NCKAP5: variants seen among roughly 807,000 people sequenced by gnomAD.
NCKAP5 encodes the protein nck-associated protein 5.
NCKAP5 carries 92 observed loss-of-function variants against 167.0 expected under a neutral mutation model. The observed-to-expected ratio is 0.55, with a 90% CI of 0.47 to 0.66. NCKAP5 has a LOEUF of 0.66. Ranked by LOEUF, NCKAP5 falls within the 30% of genes least tolerant of loss-of-function variation. NCKAP5 has a pLI of 0.00. For missense variants in NCKAP5, 2,378 were observed against 2,315.0 expected (o/e 1.03, Z -0.56); for synonymous variants, 891 against 877.4 (o/e 1.02, Z -0.27).
chr2:133,526,194 AGG>A lies in NCKAP5; in HGVS notation c.-61-8609_-61-8608del, dbSNP rs1454527326. On this transcript the variant is annotated intron_variant, in intron 2 of 19. Coordinates refer to ENST00000409261, the MANE Select transcript of NCKAP5 (RefSeq NM_207363.3). ...AAGGAAGGAAGGAAGGAAGGAAGGA[AGG>A]AAGGAAGGAAGGAAGGAAGGAAGGA... 9.3e-4 allele frequency among the ~76,000 whole-genome samples: 123 copies of A among 131,944 alleles called. 1 individual carries two copies. Among genetic ancestry groups the A allele is most frequent in the African/African-American group, 3.6e-3 (115 of 31,874 alleles). 86.6% of individuals were successfully genotyped at this position (131,944 alleles called of 152,430 possible).
At position 133,470,719 on chromosome 2, in the gene NCKAP5, C is replaced by T. The variant is rs540513491; in HGVS notation, c.69+46739G>A. ...TGCAGGATATAATCTCGTGGTGCGC[C>T]GTTTTTTAAGCCTGTCGGAAAAGTA... On this transcript the variant is annotated intron_variant, in intron 3 of 19. Coordinates refer to ENST00000409261, the MANE Select transcript of NCKAP5 (RefSeq NM_207363.3). 9.7e-4 allele frequency among the ~76,000 whole-genome samples: 148 copies of T among 152,320 alleles called. 2 individuals are homozygous for T. Among genetic ancestry groups the T allele is most frequent in the African/African-American group, 3.0e-3 (125 of 41,570 alleles).
Position 133,360,132 on chromosome 2 carries a change from C to T in NCKAP5, c.70-57022G>A, listed in dbSNP as rs547047041. 2.1e-4 allele frequency among the ~76,000 whole-genome samples: 32 copies of T among 152,218 alleles called. No individual in the cohort carries two copies. The South Asian group carries it at 6.0e-3, about 29-fold the overall frequency. ...GCACATGAATCTCTCCTTTAGCCCCCAGGTCAGCAAAGCTAATTTCAGGAT... is the reference window on the plus strand; with the variant it reads ...GCACATGAATCTCTCCTTTAGCCCCTAGGTCAGCAAAGCTAATTTCAGGAT... On this transcript the variant is annotated intron_variant, in intron 3 of 19. Coordinates refer to ENST00000409261, the MANE Select transcript of NCKAP5 (RefSeq NM_207363.3).
At chr2:132,986,288 T>C (rs1475812289) in intron 7 of NCKAP5, among the ~76,000 whole-genome samples, 1 of 152,158 alleles carries the variant, frequency 6.6e-6, no homozygotes, top group Non-Finnish European at 1.5e-5. Flanking sequence ...CTTTTCAAAA[T>C]GAGGGAAAAG....
rs1187209427 is a variant in NCKAP5, at chr2:133,123,221, TACAAA to T, written c.341+6752_341+6756del. 3.3e-5 allele frequency: 5 copies of T among 152,284 alleles called. 1 individual carries two copies. The highest frequency in any genetic ancestry group is 3.3e-4 in the Admixed American group (5 of 15,302). 9.4% of individuals were successfully genotyped at this position (152,284 alleles called of 1,614,324 possible). ...ATCATTTATTAGGCAGAAAGAGAAA[TACAAA>T]ACAATAAAGTAATGTTCAGCTTTCA... On this transcript the variant is annotated intron_variant, in intron 6 of 19. Coordinates refer to ENST00000409261, the MANE Select transcript of NCKAP5 (RefSeq NM_207363.3).
the NCKAP5 span, among the ~76,000 whole-genome samples, chr2:133,646,164 A>T: frequency 7.9e-5 from 12 of 152,268 alleles, no homozygotes; most frequent in East Asian, 2.3e-3. Context: ...AATACAAAGA[A>T]ATAGAAAAGG....
upstream of NCKAP5, among the ~76,000 whole-genome samples, chr2:133,569,949 T>C (rs1038374901): frequency 1.3e-5 from 2 of 152,204 alleles, no homozygotes; most frequent in Non-Finnish European, 2.9e-5. Flanking sequence ...TTTTCCATAG[T>C]GATCCCACAA....
intron 12 of NCKAP5, among the ~76,000 whole-genome samples, chr2:132,795,103 C>T (rs913915747): frequency 1.3e-5 from 2 of 152,132 alleles, no homozygotes; most frequent in South Asian, 2.1e-4. Flanking sequence ...TATCATTATC[C>T]TCATTTTCTA....
intron 4 of NCKAP5, among the ~76,000 whole-genome samples, chr2:133,239,755 T>C (rs903779226): frequency 1.3e-5 from 2 of 152,194 alleles, no homozygotes; most frequent in African/African-American, 4.8e-5. Context: ...TTGCCAACAT[T>C]TTTTAAAAAT....
At chr2:133,299,802 C>T (rs1680243691) in intron 4 of NCKAP5, among the ~76,000 whole-genome samples, 1 of 151,990 alleles carries the variant, frequency 6.6e-6, no homozygotes. Flanking sequence ...GTGGGTGAGA[C>T]AAATGTACTT....
chr2:132,799,604 T>C (rs1262620330), intron 11 of NCKAP5, among the ~76,000 whole-genome samples: 1 of 152,172 alleles, frequency 6.6e-6, no homozygotes, highest in Admixed American at 6.5e-5. Context: ...AATTTATTGT[T>C]ATACCTGACA....
chr2:132,748,639 T>A (rs1359945320), intron 16 of NCKAP5, among the ~76,000 whole-genome samples: 2 of 152,204 alleles, frequency 1.3e-5, no homozygotes, highest in African/African-American at 4.8e-5. Flanking sequence ...ACTATACCCG[T>A]ACCCTACTCT....
intron 8 of NCKAP5, among the ~76,000 whole-genome samples, chr2:132,944,811 C>T (rs1465882234): frequency 6.6e-6 from 1 of 152,156 alleles, no homozygotes; most frequent in Non-Finnish European, 1.5e-5. Context: ...ACATTGTGAA[C>T]ATGTCATAGG....
intron 4 of NCKAP5, among the ~76,000 whole-genome samples, chr2:133,225,462 G>T (rs111744761): frequency 5.1e-4 from 78 of 152,286 alleles, no homozygotes; most frequent in African/African-American, 1.8e-3. Flanking sequence ...GAAAAAGAAG[G>T]TTTGTGAGTT....
chr2:133,068,822 T>C (rs899621991), intron 6 of NCKAP5, among the ~76,000 whole-genome samples: 3 of 152,198 alleles, frequency 2.0e-5, no homozygotes, highest in Non-Finnish European at 4.4e-5. Flanking sequence ...TCAGAATATA[T>C]ATAGCCAGGA....
chr2:133,243,651 C>T (rs765838319), intron 4 of NCKAP5, among the ~76,000 whole-genome samples: 10 of 152,168 alleles, frequency 6.6e-5, no homozygotes, highest in Non-Finnish European at 1.3e-4. Context: ...TCAGTATTTG[C>T]AAGCTGAAGC....
intron 11 of NCKAP5, among the ~76,000 whole-genome samples, chr2:132,855,790 T>C (rs1331119487): frequency 1.3e-5 from 2 of 152,204 alleles, no homozygotes; most frequent in Non-Finnish European, 2.9e-5. Context: ...TTTCTTTTCA[T>C]CTTTTTGTCT....
chr2:133,255,407 G>T (rs1288584099), intron 4 of NCKAP5, among the ~76,000 whole-genome samples: 1 of 152,186 alleles, frequency 6.6e-6, no homozygotes, highest in South Asian at 2.1e-4. Context: ...GCAAAGCCAT[G>T]AAAAGCAGAA....
the NCKAP5 span, among the ~76,000 whole-genome samples, chr2:133,660,767 T>G: frequency 1.3e-5 from 2 of 152,106 alleles, no homozygotes; most frequent in Non-Finnish European, 2.9e-5. Context: ...GGAATATGCC[T>G]CTGTCTATTT....
At chr2:133,029,879 T>C (rs927340248) in intron 6 of NCKAP5, among the ~76,000 whole-genome samples, 10 of 152,280 alleles carry the variant, frequency 6.6e-5, no homozygotes, top group East Asian at 3.9e-4. Context: ...TGGAAACCCA[T>C]TGGACAAAAA....
Sources: gnomAD v4.1 joint callset for allele counts (sites outside exome capture counted in the v4.1 genomes callset) on GRCh38, gnomAD v4.1.1 for gene constraint, MANE v1.5 for transcripts, NCBI Gene and HGNC (gene_info 2026-07-23, HGNC 2026-07-21) for gene names.